Variants in CALCR observed in about 807,000 individuals in gnomAD.
CALCR encodes calcitonin receptor.
In CALCR, 47 loss-of-function variants were observed where a neutral mutation model predicts 59.5. The observed-to-expected ratio is 0.79, with a 90% CI of 0.63 to 1.01. The LOEUF (loss-of-function observed/expected upper bound fraction) is 1.01, where lower values mean the gene tolerates loss of function less well. Ranked by LOEUF, CALCR falls within the 50% of genes least tolerant of loss-of-function variation. The pLI, the probability that CALCR is intolerant of heterozygous loss-of-function variation, is 0.00. For synonymous variants in CALCR, 213 were observed against 211.3 expected (o/e 1.01, Z -0.07); for missense variants, 566 against 597.1 (o/e 0.95, Z 0.54).
chr7:93,513,449 C>G (rs938508583), intron 2 of CALCR, among the ~76,000 whole-genome samples: 1 of 152,072 alleles, frequency 6.6e-6, no homozygotes, highest in African/African-American at 2.4e-5. Flanking sequence ...GCTATTTCTT[C>G]TCTTTTTATA....
At chr7:93,439,561 T>C (rs1291476084) in intron 9 of CALCR, among the ~76,000 whole-genome samples, 1 of 152,114 alleles carries the variant, frequency 6.6e-6, no homozygotes, top group African/African-American at 2.4e-5. Context: ...TTTGCCTTCT[T>C]CTAGCTATGA....
At chr7:93,490,115 A>G (rs1801041768) in intron 2 of CALCR, among the ~76,000 whole-genome samples, 1 of 152,048 alleles carries the variant, frequency 6.6e-6, no homozygotes. Context: ...TACGCAAATC[A>G]ATAAATGTAA....
At chr7:93,468,591 C>A in intron 7 of CALCR, 124 bp downstream of exon 7, 1 of 596,934 alleles carries the variant, frequency 1.7e-6, no homozygotes, top group East Asian at 2.9e-5. Flanking sequence ...TTCATGACTC[C>A]TAATGTTGCA....
chr7:93,461,362 T>C (rs116652333), intron 7 of CALCR, among the ~76,000 whole-genome samples: 5,818 of 152,242 alleles, frequency 0.038, 139 homozygotes, highest in South Asian at 0.11. Context: ...TCACAGAGCG[T>C]GAAGTCAGAA....
intron 8 of CALCR, among the ~76,000 whole-genome samples, chr7:93,448,976 T>C (rs1242508867): frequency 6.6e-6 from 1 of 151,948 alleles, no homozygotes; most frequent in Non-Finnish European, 1.5e-5. Context: ...GTTTGGAAAC[T>C]TACAGCAAAC....
intron 2 of CALCR, among the ~76,000 whole-genome samples, chr7:93,523,452 G>A (rs1456664605): frequency 1.3e-5 from 2 of 151,978 alleles, no homozygotes; most frequent in African/African-American, 4.8e-5. Flanking sequence ...GGTTATCGAG[G>A]GCAGAGACTG....
At chr7:93,497,653 C>A (rs1429489866) in intron 2 of CALCR, among the ~76,000 whole-genome samples, 1 of 151,592 alleles carries the variant, frequency 6.6e-6, no homozygotes, top group East Asian at 1.9e-4. Flanking sequence ...CAGCCCAGGG[C>A]TTTCCATATC....
intron 2 of CALCR, among the ~76,000 whole-genome samples, chr7:93,512,922 C>T (rs1801576573): frequency 1.3e-5 from 2 of 152,124 alleles, no homozygotes; most frequent in Non-Finnish European, 1.5e-5. Context: ...AAATGATTAT[C>T]GTATTTAGGA....
chr7:93,459,168 A>AG (rs1053160588), intron 8 of CALCR, among the ~76,000 whole-genome samples: 2 of 152,180 alleles, frequency 1.3e-5, no homozygotes, highest in African/African-American at 4.8e-5. Context: ...GTATCACAGC[A>AG]CCAAAGTGAT....
chr7:93,479,529 G>A (rs770900313), intron 3 of CALCR, 22 bp from the exon 4 acceptor site: 1 of 1,605,770 alleles, frequency 6.2e-7, no homozygotes, highest in South Asian at 1.1e-5. Context: ...AGAAAAATCA[G>A]TTACTTATAG....
In CALCR at chr7:93,460,595, A is replaced by ATATATATATATATATATATATG. The variant is rs1800310231; in HGVS notation, c.648+225_648+226insCATATATATATATATATATATA. Among the ~76,000 whole-genome samples the ATATATATATATATATATATATG allele has an allele frequency of 1.9e-4, 15 of 77,822 alleles. No individual in the cohort carries two copies. In the South Asian group the frequency reaches 3.0e-3, roughly 16 times the overall value. 51.1% of individuals were successfully genotyped at this position (77,822 alleles called of 152,430 possible). A position where few individuals can be genotyped will look rare whatever the true frequency, so the allele number is the denominator to read the frequency against. ...AAAATATATATATATATATATATGT[A>ATATATATATATATATATATATG]TATATATATATATATATGGTTTGTT... On this transcript the variant is annotated intron_variant, in intron 8 of 13. Coordinates refer to ENST00000426151, the MANE Select transcript of CALCR (RefSeq NM_001742.4).
chr7:93,482,705 A>T (rs1800824752), intron 3 of CALCR: 1 of 506,918 alleles, frequency 2.0e-6, no homozygotes, highest in Non-Finnish European at 4.1e-6. Flanking sequence ...CATCAGTAAC[A>T]GTGGAAATAC....
intron 2 of CALCR, among the ~76,000 whole-genome samples, chr7:93,503,834 C>G (rs757924621): frequency 1.5e-4 from 23 of 152,018 alleles, no homozygotes; most frequent in Non-Finnish European, 2.8e-4. Flanking sequence ...AAGGAACAAC[C>G]CTCAAATTAA....
intron 2 of CALCR, among the ~76,000 whole-genome samples, chr7:93,543,045 T>C (rs558529191): frequency 5.1e-4 from 78 of 152,272 alleles, no homozygotes; most frequent in Admixed American, 2.3e-3. Context: ...ACCAGTAACA[T>C]ATTCATTTAT....
chr7:93,468,206 TA>T (rs1800479734), intron 7 of CALCR, among the ~76,000 whole-genome samples: 1 of 151,848 alleles, frequency 6.6e-6, no homozygotes. Flanking sequence ...TTGTGCACCA[TA>T]AAACCTAAAG....
chr7:93,521,371 G>C (rs977347647), intron 2 of CALCR, among the ~76,000 whole-genome samples: 1 of 152,036 alleles, frequency 6.6e-6, no homozygotes, highest in South Asian at 2.1e-4. Context: ...ATACTGTCCA[G>C]ACCCTACTGG....
At chr7:93,489,454 C>CA (rs1332303056) in intron 2 of CALCR, among the ~76,000 whole-genome samples, 8 of 150,962 alleles carry the variant, frequency 5.3e-5, no homozygotes, top group African/African-American at 1.5e-4. Flanking sequence ...AAAAACCCTC[C>CA]AAAAAAATCA....
chr7:93,567,400 C>T (rs1789888061), intron 2 of CALCR, among the ~76,000 whole-genome samples: 1 of 151,856 alleles, frequency 6.6e-6, no homozygotes, highest in Non-Finnish European at 1.5e-5. Flanking sequence ...TAATGATGAC[C>T]CTGTCTTTTG....
intron 2 of CALCR, among the ~76,000 whole-genome samples, chr7:93,564,429 G>A (rs1405737470): frequency 1.3e-5 from 2 of 151,576 alleles, no homozygotes; most frequent in Non-Finnish European, 2.9e-5. Flanking sequence ...TTTGATCAAA[G>A]AACACATCAT....
Sources: allele counts gnomAD v4.1 joint callset (sites outside exome capture counted in the v4.1 genomes callset), GRCh38; gene constraint gnomAD v4.1.1; transcripts MANE v1.5; gene names NCBI Gene and HGNC (gene_info 2026-07-23, HGNC 2026-07-21).